Variants in B3GALT1 observed in about 807,000 individuals in gnomAD.
The protein encoded by B3GALT1 is beta-1,3-galactosyltransferase 1, also known as UDP-Gal:betaGlcNAc beta 1,3-galactosyltransferase, polypeptide 1.
In B3GALT1, 10 loss-of-function variants were observed where a neutral mutation model predicts 23.2. The observed-to-expected ratio is 0.43, with a 90% CI of 0.27 to 0.73. The LOEUF (loss-of-function observed/expected upper bound fraction) is 0.73, where lower values mean the gene tolerates loss of function less well. Among genes scored for constraint, B3GALT1 ranks in the 30% least tolerant of loss-of-function variants. B3GALT1 has a pLI of 0.21. For missense variants in B3GALT1, 299 were observed against 405.4 expected (o/e 0.74, Z 2.25); for synonymous variants, 156 against 141.5 (o/e 1.10, Z -0.73).
rs10176313 is a variant in B3GALT1 at position 167,342,626 on chromosome 2, T to A, written c.-511+49292T>A. 5.6e-3 allele frequency among the ~76,000 whole-genome samples: 848 copies of A among 152,110 alleles called. 6 individuals carry two copies. The highest frequency in any genetic ancestry group is 0.02 in the African/African-American group (822 of 41,526). Reference sequence around the variant, plus strand: ...AAGAAAAAAAAACAAAACCAATTTTTACAATACTGCTGGAAATGAGTGCAT... The same window carrying A: ...AAGAAAAAAAAACAAAACCAATTTTAACAATACTGCTGGAAATGAGTGCAT... On this transcript the variant is annotated intron_variant, in intron 1 of 4. Coordinates refer to ENST00000392690, the MANE Select transcript of B3GALT1 (RefSeq NM_020981.4).
At chr2:167,399,443 T>C (rs1698151542) in intron 1 of B3GALT1, among the ~76,000 whole-genome samples, 1 of 152,088 alleles carries the variant, frequency 6.6e-6, no homozygotes, top group Admixed American at 6.6e-5. Flanking sequence ...CACTAGAAAG[T>C]GTATTTTTAG....
chr2:167,503,801 T>C (rs550994321), intron 2 of B3GALT1, among the ~76,000 whole-genome samples: 14 of 152,352 alleles, frequency 9.2e-5, no homozygotes, highest in Middle Eastern at 3.4e-3. Flanking sequence ...GCCCATCCAC[T>C]TGCTAACACT....
intron 2 of B3GALT1, among the ~76,000 whole-genome samples, chr2:167,638,122 A>G (rs1031971452): frequency 2.0e-5 from 3 of 152,044 alleles, no homozygotes; most frequent in African/African-American, 7.2e-5. Flanking sequence ...AGCCCTGTAG[A>G]TCTGCTATTG....
At chr2:167,441,534 A>G (rs1334096018) in intron 1 of B3GALT1, among the ~76,000 whole-genome samples, 1 of 152,182 alleles carries the variant, frequency 6.6e-6, no homozygotes, top group Non-Finnish European at 1.5e-5. Flanking sequence ...TTCTCCACCA[A>G]TGTTACATGA....
intron 4 of B3GALT1, among the ~76,000 whole-genome samples, chr2:167,861,793 A>T (rs1377964455): frequency 6.6e-6 from 1 of 152,278 alleles, no homozygotes; most frequent in East Asian, 1.9e-4. Context: ...AGACATTTGC[A>T]TTCCCTTTGC....
intron 4 of B3GALT1, among the ~76,000 whole-genome samples, chr2:167,828,715 A>G (rs752401861): frequency 2.0e-5 from 3 of 152,208 alleles, no homozygotes; most frequent in Non-Finnish European, 4.4e-5. Context: ...GCACTGTGCC[A>G]TGAGCTTTGC....
intron 2 of B3GALT1, among the ~76,000 whole-genome samples, chr2:167,602,359 C>G (rs1008074099): frequency 6.6e-6 from 1 of 152,094 alleles, no homozygotes; most frequent in Non-Finnish European, 1.5e-5. Flanking sequence ...TTGAACAGTT[C>G]CGGAGTACTC....
chr2:167,472,027 G>A (rs547948169), intron 1 of B3GALT1, among the ~76,000 whole-genome samples: 1 of 152,130 alleles, frequency 6.6e-6, no homozygotes, highest in Non-Finnish European at 1.5e-5. Flanking sequence ...TCTGTGGCTG[G>A]TTCCTCTTAC....
intron 1 of B3GALT1, among the ~76,000 whole-genome samples, chr2:167,406,030 T>A (rs1403232109): frequency 6.6e-6 from 1 of 152,086 alleles, no homozygotes; most frequent in Non-Finnish European, 1.5e-5. Context: ...TGGGGAAATT[T>A]TTTTTTTAAG....
chr2:167,631,287 C>T (rs914321708), intron 2 of B3GALT1, among the ~76,000 whole-genome samples: 1 of 151,766 alleles, frequency 6.6e-6, no homozygotes, highest in Non-Finnish European at 1.5e-5. Flanking sequence ...ATAAGGAAAA[C>T]AAGGGTTGAT....
At chr2:167,298,623 A>G (rs1355139808) in intron 1 of B3GALT1, among the ~76,000 whole-genome samples, 1 of 152,124 alleles carries the variant, frequency 6.6e-6, no homozygotes. Context: ...TATAGAATTT[A>G]GTTTATAGAA....
At chr2:167,520,267 CT>C (rs1700168933) in intron 2 of B3GALT1, among the ~76,000 whole-genome samples, 2 of 151,830 alleles carry the variant, frequency 1.3e-5, no homozygotes, top group African/African-American at 2.4e-5. Flanking sequence ...GTAATGCAGT[CT>C]TTTTTACATT....
chr2:167,739,966 G>T (rs190420125), intron 3 of B3GALT1, among the ~76,000 whole-genome samples: 9 of 151,134 alleles, frequency 6.0e-5, no homozygotes, highest in Admixed American at 3.3e-4. Context: ...AGGCGTGGTG[G>T]TGCATGCCTG....
At chr2:167,594,719 CCTGGCCAACGTGG>C (rs1413201366) in intron 2 of B3GALT1, among the ~76,000 whole-genome samples, 4 of 152,082 alleles carry the variant, frequency 2.6e-5, no homozygotes, top group African/African-American at 4.8e-5. Context: ...TCAAGACCAG[CCTGGCCAACGTGG>C]TGAAACCCCG....
At position 167,309,131 on chromosome 2, in the gene B3GALT1, C is replaced by T. The variant is rs542809581; in HGVS notation, c.-511+15797C>T. 1.8e-4 allele frequency among the ~76,000 whole-genome samples: 28 copies of T among 152,158 alleles called. No homozygotes were observed. In the East Asian group the frequency reaches 2.3e-3, roughly 13 times the overall value. ...GTCAAGAAATTGACTTGTCATAGCT[C>T]ATAATTGAAGGAAATCACAGCAGAG... On this transcript the variant is annotated intron_variant, in intron 1 of 4. Coordinates refer to ENST00000392690, the MANE Select transcript of B3GALT1 (RefSeq NM_020981.4).
chr2:167,380,883 C>T (rs1390326908), intron 1 of B3GALT1, among the ~76,000 whole-genome samples: 1 of 152,122 alleles, frequency 6.6e-6, no homozygotes, highest in Non-Finnish European at 1.5e-5. Context: ...TTGGCATTCT[C>T]GCCTCTGGGA....
At chr2:167,687,012 T>G (rs913595148) in intron 3 of B3GALT1, among the ~76,000 whole-genome samples, 1 of 152,242 alleles carries the variant, frequency 6.6e-6, no homozygotes, top group Non-Finnish European at 1.5e-5. Context: ...CTTTTCAATA[T>G]TCTGCCGTGG....
At chr2:167,718,825 GAGA>G (rs897292238) in intron 3 of B3GALT1, among the ~76,000 whole-genome samples, 5 of 152,076 alleles carry the variant, frequency 3.3e-5, no homozygotes, top group African/African-American at 1.2e-4. Flanking sequence ...AGAAAGGAGG[GAGA>G]AGGTCAGAAA....
chr2:167,785,953 A>G (rs746666738), intron 3 of B3GALT1, among the ~76,000 whole-genome samples: 1 of 152,216 alleles, frequency 6.6e-6, no homozygotes, highest in Non-Finnish European at 1.5e-5. Context: ...TAAACTCTTA[A>G]CAACTGTTCA....
Sources: gnomAD v4.1 joint callset for allele counts (sites outside exome capture counted in the v4.1 genomes callset) on GRCh38, gnomAD v4.1.1 for gene constraint, MANE v1.5 for transcripts, NCBI Gene and HGNC (gene_info 2026-07-23, HGNC 2026-07-21) for gene names.